Variants in MEGF9 observed in about 807,000 individuals in gnomAD.
MEGF9 encodes multiple EGF like domains 9.
MEGF9 carries 6 observed loss-of-function variants against 46.8 expected under a neutral mutation model. The observed-to-expected ratio is 0.13, with a 90% CI of 0.07 to 0.25. The LOEUF (loss-of-function observed/expected upper bound fraction) is 0.25, where lower values mean the gene tolerates loss of function less well. Among genes scored for constraint, MEGF9 ranks in the 10% least tolerant of loss-of-function variants. The pLI is 1.00. For synonymous variants in MEGF9, 302 were observed against 330.7 expected, an observed-to-expected ratio of 0.91 and a Z score of 0.94; for missense variants, 683 against 792.4, an observed-to-expected ratio of 0.86 and a Z score of 1.66.
At chr9:120,637,253 C>G (rs1478892980) in intron 2 of MEGF9, among the ~76,000 whole-genome samples, 1 of 152,038 alleles carries the variant, frequency 6.6e-6, no homozygotes, top group African/African-American at 2.4e-5. Context: ...TCACCACTCC[C>G]TAATGTCAAG....
intron 2 of MEGF9, among the ~76,000 whole-genome samples, chr9:120,651,942 C>T (rs987246674): frequency 3.3e-5 from 5 of 151,342 alleles, no homozygotes; most frequent in African/African-American, 1.2e-4. Flanking sequence ...TGAGCCATCG[C>T]GCCTGGCCTG....
rs1447894785 is a variant in MEGF9, at chr9:120,612,224, C to CAT, written c.1087+170_1087+171dup. Among the ~76,000 whole-genome samples, 565 of 151,900 alleles carry CAT rather than the reference C, an allele frequency of 3.7e-3. 6 individuals are homozygous for CAT. The highest frequency in any genetic ancestry group is 0.013 in the African/African-American group (531 of 41,448). Reference sequence around the variant, plus strand: ...TTTTAGACACTTTAAGTCTCATTCACATATATATATATTTGGATTAGATTA... The same window carrying CAT: ...TTTTAGACACTTTAAGTCTCATTCACATATATATATATATTTGGATTAGATTA... On this transcript the variant is annotated intron_variant, in intron 4 of 5. Coordinates refer to ENST00000373930, the MANE Select transcript of MEGF9 (RefSeq NM_001080497.3).
At chr9:120,699,425 G>A (rs998810898) in intron 1 of MEGF9, among the ~76,000 whole-genome samples, 1 of 151,688 alleles carries the variant, frequency 6.6e-6, no homozygotes, top group African/African-American at 2.4e-5. Context: ...TTTTATAATT[G>A]TAAAAAAACT....
chr9:120,703,730 T>C (rs1011292887), intron 1 of MEGF9, among the ~76,000 whole-genome samples: 2 of 152,132 alleles, frequency 1.3e-5, no homozygotes, highest in African/African-American at 4.8e-5. Context: ...CCCAGCACTT[T>C]GGGAGGCTGA....
intron 2 of MEGF9, among the ~76,000 whole-genome samples, chr9:120,648,007 C>T (rs145807090): frequency 2.6e-5 from 4 of 152,082 alleles, no homozygotes; most frequent in Non-Finnish European, 5.9e-5. Context: ...CTTAAATTCT[C>T]TCATTTCCAG....
At chr9:120,690,557 T>C (rs16910033) in intron 1 of MEGF9, among the ~76,000 whole-genome samples, 2,292 of 152,300 alleles carry the variant, frequency 0.015, 57 homozygotes, top group African/African-American at 0.052. Context: ...TCATTCAAAA[T>C]GAGCAGTACA....
rs996594350 is a variant in MEGF9 at position 120,604,889 on chromosome 9, A to G, written c.*301T>C. On this transcript the variant is annotated 3_prime_UTR_variant, in exon 6 of 6. Transcript: ENST00000373930. ...TTGGTGAATGCTTCCCCAGGAGTCT[A>G]TCTGGAGGTCAAAGTGGTTTTGGGC... 1 of 322,524 alleles carries G rather than the reference A, an allele frequency of 3.1e-6. No individual in the cohort carries two copies. The highest frequency in any genetic ancestry group is 6.3e-5 in the South Asian group (1 of 15,920). The allele number at this position is 322,524 out of a possible 1,614,324, so 20.0% of individuals were successfully genotyped here.
intron 1 of MEGF9, among the ~76,000 whole-genome samples, chr9:120,683,560 T>C (rs944784777): frequency 3.9e-5 from 6 of 152,362 alleles, no homozygotes; most frequent in African/African-American, 1.4e-4. Context: ...TTGCTTCTCC[T>C]TCGGCTTCTG....
At chr9:120,707,879 C>T (rs1359618430) in intron 1 of MEGF9, among the ~76,000 whole-genome samples, 1 of 152,116 alleles carries the variant, frequency 6.6e-6, no homozygotes, top group East Asian at 1.9e-4. Context: ...CCCATCTCTA[C>T]TAAAAATACA....
intron 3 of MEGF9, among the ~76,000 whole-genome samples, chr9:120,617,612 C>T (rs757532666): frequency 4.3e-4 from 65 of 152,236 alleles, no homozygotes; most frequent in Middle Eastern, 6.8e-3. Flanking sequence ...CATTGGAGGG[C>T]TTAAGCATGA....
chr9:120,609,862 A>G lies in MEGF9; in HGVS notation c.1088-1852T>C, dbSNP rs191944883. On this transcript the variant is annotated intron_variant, in intron 4 of 5. Transcript: ENST00000373930. Reference sequence around the variant, plus strand: ...CTTGTGGCAATGAATCATATTTCTGATGCTCTTTAAGAAAAACGAATTCCT... The same window carrying G: ...CTTGTGGCAATGAATCATATTTCTGGTGCTCTTTAAGAAAAACGAATTCCT... Among the ~76,000 whole-genome samples, 214 of 152,260 alleles carry G rather than the reference A, an allele frequency of 1.4e-3. 1 individual carries two copies. The highest frequency in any genetic ancestry group is 4.9e-3 in the African/African-American group (205 of 41,556).
chr9:120,651,949 C>A (rs1378143411), intron 2 of MEGF9, among the ~76,000 whole-genome samples: 2 of 151,324 alleles, frequency 1.3e-5, no homozygotes, highest in African/African-American at 4.9e-5. Context: ...TCGCGCCTGG[C>A]CTGTATAATA....
chr9:120,677,980 G>A (rs946581534), intron 1 of MEGF9, among the ~76,000 whole-genome samples: 18 of 152,000 alleles, frequency 1.2e-4, no homozygotes, highest in Non-Finnish European at 1.6e-4. Context: ...CTATCTCTAT[G>A]AGTTCAATTG....
intron 3 of MEGF9, among the ~76,000 whole-genome samples, chr9:120,612,832 C>T (rs1324472): frequency 0.66 from 100,474 of 151,438 alleles, 33,585 homozygotes; most frequent in South Asian, 0.75. Context: ...AAGGAGAAAA[C>T]AAAAACAATC....
intron 1 of MEGF9, among the ~76,000 whole-genome samples, chr9:120,663,337 T>C (rs1183158439): frequency 1.3e-5 from 2 of 152,218 alleles, no homozygotes; most frequent in Non-Finnish European, 2.9e-5. Context: ...TAAAACACTC[T>C]GGGTATTCAC....
chr9:120,618,788 T>A (rs1016810976), intron 3 of MEGF9, among the ~76,000 whole-genome samples: 32 of 151,306 alleles, frequency 2.1e-4, no homozygotes, highest in Admixed American at 2.0e-3. Flanking sequence ...TAATCCCAGC[T>A]ACTTGGGAGG....
intron 3 of MEGF9, among the ~76,000 whole-genome samples, chr9:120,615,062 A>T (rs1006236314): frequency 6.6e-6 from 1 of 151,782 alleles, no homozygotes; most frequent in African/African-American, 2.4e-5. Context: ...CAACATGGTG[A>T]AACCCTATCT....
chr9:120,620,201 C>T (rs1222038667), intron 3 of MEGF9, among the ~76,000 whole-genome samples: 1 of 152,114 alleles, frequency 6.6e-6, no homozygotes, highest in Non-Finnish European at 1.5e-5. Flanking sequence ...GGCCTCGTTG[C>T]CTTAAGAAAA....
intron 1 of MEGF9, among the ~76,000 whole-genome samples, chr9:120,672,519 G>A (rs1461987861): frequency 1.3e-5 from 2 of 152,098 alleles, no homozygotes; most frequent in African/African-American, 4.8e-5. Flanking sequence ...TATTCCTGGG[G>A]CTGAGATGGA....
Sources: allele counts gnomAD v4.1 joint callset (sites outside exome capture counted in the v4.1 genomes callset), GRCh38; gene constraint gnomAD v4.1.1; transcripts MANE v1.5; gene names NCBI Gene and HGNC (gene_info 2026-07-23, HGNC 2026-07-21).